NPAS3: variants seen among roughly 807,000 people sequenced by gnomAD.
NPAS3 encodes the protein neuronal PAS domain-containing protein 3.
Under a neutral mutation model 73.1 loss-of-function variants are expected in NPAS3, and 14 were observed. The observed-to-expected ratio is 0.19, with a 90% CI of 0.13 to 0.30. The LOEUF is 0.30. Ranked by LOEUF, NPAS3 falls within the 10% of genes least tolerant of loss-of-function variation. The pLI, the probability that NPAS3 is intolerant of heterozygous loss-of-function variation, is 1.00. For synonymous variants in NPAS3, 620 were observed against 541.5 expected, an observed-to-expected ratio of 1.14 and a Z score of -2.01; for missense variants, 1,096 against 1,250.0, an observed-to-expected ratio of 0.88 and a Z score of 1.86.
At chr14:33,379,977 CGTGTGTGT>C (rs34208750) in intron 4 of NPAS3, among the ~76,000 whole-genome samples, 23 of 144,230 alleles carry the variant, frequency 1.6e-4, no homozygotes, top group East Asian at 2.1e-4. Context: ...AGTTATCCCT[CGTGTGTGT>C]GTGTGTGTGT....
intron 1 of NPAS3, among the ~76,000 whole-genome samples, chr14:33,043,370 T>G (rs1215144305): frequency 6.6e-6 from 1 of 152,152 alleles, no homozygotes; most frequent in African/African-American, 2.4e-5. Flanking sequence ...TAAGCAAAAC[T>G]GAATAATACA....
intron 2 of NPAS3, among the ~76,000 whole-genome samples, chr14:33,154,851 C>T (rs1352276726): frequency 6.6e-6 from 1 of 152,140 alleles, no homozygotes; most frequent in Non-Finnish European, 1.5e-5. Flanking sequence ...CTAGGACCTG[C>T]CTCTAAGGTG....
chr14:33,678,891 G>A (rs1486028794), intron 6 of NPAS3, among the ~76,000 whole-genome samples: 1 of 152,064 alleles, frequency 6.6e-6, no homozygotes, highest in Admixed American at 6.5e-5. Flanking sequence ...TGAAGCCCTA[G>A]CATGCATAAA....
chr14:33,782,453 C>A (rs960411291), intron 9 of NPAS3, among the ~76,000 whole-genome samples: 10 of 152,174 alleles, frequency 6.6e-5, no homozygotes, highest in Non-Finnish European at 1.3e-4. Flanking sequence ...GCTCTTTATT[C>A]CCATTTAATC....
chr14:33,765,835 G>A (rs2062445954), intron 7 of NPAS3, among the ~76,000 whole-genome samples: 1 of 152,134 alleles, frequency 6.6e-6, no homozygotes, highest in Non-Finnish European at 1.5e-5. Flanking sequence ...CTGTCATACA[G>A]GGCACTAGGA....
chr14:33,256,313 A>G (rs941380595), intron 3 of NPAS3, among the ~76,000 whole-genome samples: 3 of 152,232 alleles, frequency 2.0e-5, no homozygotes, highest in Admixed American at 6.5e-5. Context: ...ATTTAATCAT[A>G]GAAAAAGTTT....
intron 3 of NPAS3, among the ~76,000 whole-genome samples, chr14:33,355,493 T>C (rs1042372381): frequency 4.7e-4 from 72 of 152,190 alleles, no homozygotes; most frequent in Admixed American, 1.4e-3. Flanking sequence ...AGAGATAGGG[T>C]TTCACCATGT....
intron 3 of NPAS3, among the ~76,000 whole-genome samples, chr14:33,310,690 C>T (rs1194704946): frequency 6.6e-6 from 1 of 151,876 alleles, no homozygotes; most frequent in Non-Finnish European, 1.5e-5. Flanking sequence ...AAGAATCAGT[C>T]CTGTGTCACC....
intron 7 of NPAS3, among the ~76,000 whole-genome samples, chr14:33,764,622 A>G (rs1175827468): frequency 6.6e-6 from 1 of 152,100 alleles, no homozygotes; most frequent in Non-Finnish European, 1.5e-5. Flanking sequence ...TGGAAAATAC[A>G]ATTGCCGTGT....
intron 3 of NPAS3, among the ~76,000 whole-genome samples, chr14:33,365,400 C>CCACATACA (rs1181652424): frequency 6.6e-6 from 1 of 151,866 alleles, no homozygotes; most frequent in Admixed American, 6.6e-5. Flanking sequence ...ATGTGCACAC[C>CCACATACA]CACATACACA....
chr14:33,646,091 G>C (rs2058821133), intron 5 of NPAS3, among the ~76,000 whole-genome samples: 1 of 152,106 alleles, frequency 6.6e-6, no homozygotes, highest in Admixed American at 6.5e-5. Context: ...ATCTAGTCTT[G>C]GGGTTCTCTG....
At chr14:33,439,630 T>G (rs1271740544) in intron 4 of NPAS3, among the ~76,000 whole-genome samples, 1 of 152,160 alleles carries the variant, frequency 6.6e-6, no homozygotes, top group Non-Finnish European at 1.5e-5. Flanking sequence ...AAATGAAACA[T>G]TTAAAAATGA....
At chr14:33,553,045 G>T (rs138078964) in intron 4 of NPAS3, among the ~76,000 whole-genome samples, 4 of 152,296 alleles carry the variant, frequency 2.6e-5, no homozygotes, top group Admixed American at 6.5e-5. Context: ...ATGGAGCCCC[G>T]GTTCCTCTGG....
At chr14:33,778,872 G>A (rs1218302443) in intron 9 of NPAS3, among the ~76,000 whole-genome samples, 1 of 152,146 alleles carries the variant, frequency 6.6e-6, no homozygotes, top group East Asian at 1.9e-4. Context: ...GTGCTACCTT[G>A]ACCCTTTCAT....
intron 4 of NPAS3, among the ~76,000 whole-genome samples, chr14:33,497,909 A>G (rs568948185): frequency 6.6e-6 from 1 of 152,306 alleles, no homozygotes; most frequent in South Asian, 2.1e-4. Context: ...TGAACAGGCA[A>G]CCTACAGAAT....
chr14:33,137,446 G>A (rs942335825), intron 2 of NPAS3, among the ~76,000 whole-genome samples: 1 of 152,126 alleles, frequency 6.6e-6, no homozygotes, highest in African/African-American at 2.4e-5. Flanking sequence ...CTTGAAGCAA[G>A]CAATCCACCA....
intron 4 of NPAS3, among the ~76,000 whole-genome samples, chr14:33,412,007 A>G (rs2047949005): frequency 6.6e-6 from 1 of 152,162 alleles, no homozygotes; most frequent in Non-Finnish European, 1.5e-5. Context: ...AAGCTATACT[A>G]TATGGCACCC....
intron 7 of NPAS3, among the ~76,000 whole-genome samples, chr14:33,753,631 T>G (rs2062029475): frequency 6.6e-6 from 1 of 152,200 alleles, no homozygotes; most frequent in African/African-American, 2.4e-5. Flanking sequence ...TAGCAGATCA[T>G]GCAGCCAATA....
chr14:33,079,748 A>G (rs2041805052), intron 2 of NPAS3, among the ~76,000 whole-genome samples: 1 of 147,120 alleles, frequency 6.8e-6, no homozygotes, highest in Non-Finnish European at 1.5e-5. Flanking sequence ...AGTAGCTGGG[A>G]TTACAGGTGT....
Sources: gnomAD v4.1 joint callset for allele counts (sites outside exome capture counted in the v4.1 genomes callset) on GRCh38, gnomAD v4.1.1 for gene constraint, MANE v1.5 for transcripts, NCBI Gene and HGNC (gene_info 2026-07-23, HGNC 2026-07-21) for gene names.